The following TNIP1 variants were observed in gnomAD, a reference collection of about 807,000 sequenced individuals.
The protein encoded by TNIP1 is TNFAIP3 interacting protein 1.
Under a neutral mutation model 86.6 loss-of-function variants are expected in TNIP1, and 22 were observed. That is an observed-to-expected ratio of 0.25 (90% CI 0.18 to 0.36). TNIP1 has a LOEUF of 0.36. TNIP1 is among the 10% of genes least tolerant of loss of function. TNIP1 has a pLI of 1.00. For synonymous variants in TNIP1, 294 were observed against 313.0 expected (o/e 0.94, Z 0.64); for missense variants, 709 against 820.6 (o/e 0.86, Z 1.66).
At chr5:151,063,498 G>T in intron 3 of TNIP1, 115 bp downstream of exon 3, 1 of 1,452,918 alleles carries the variant, frequency 6.9e-7, no homozygotes, top group Non-Finnish European at 9.4e-7. Context: ...GGTAGCCTGT[G>T]ACCTAAGGAT....
intron 13 of TNIP1, among the ~76,000 whole-genome samples, chr5:151,036,127 G>C (rs1757674481): frequency 6.6e-6 from 1 of 152,154 alleles, no homozygotes; most frequent in Non-Finnish European, 1.5e-5. Context: ...AGGTGGGTTG[G>C]GTGGGGCCTG....
At chr5:151,059,820 AGAGAGAGAGTGTGTGT>A (rs1761215275) in intron 5 of TNIP1, among the ~76,000 whole-genome samples, 4 of 93,742 alleles carry the variant, frequency 4.3e-5, no homozygotes, top group Non-Finnish European at 7.9e-5. Context: ...AGAGAGAGAG[AGAGAGAGAGTGTGTGT>A]GTGTGTGTGT....
chr5:151,042,142 T>C (rs1015503218), intron 11 of TNIP1, among the ~76,000 whole-genome samples: 1 of 152,068 alleles, frequency 6.6e-6, no homozygotes, highest in African/African-American at 2.4e-5. Flanking sequence ...GATTTCATCA[T>C]GTTGGCCACG....
intron 1 of TNIP1, among the ~76,000 whole-genome samples, chr5:151,072,671 C>A (rs768014542): frequency 7.2e-5 from 11 of 152,204 alleles, no homozygotes; most frequent in Admixed American, 6.5e-5. Context: ...ACTGCCCCCC[C>A]TCCAGTCCCC....
chr5:151,053,859 T>C (rs952607786), intron 6 of TNIP1, among the ~76,000 whole-genome samples: 8 of 152,230 alleles, frequency 5.3e-5, no homozygotes, highest in Admixed American at 2.0e-4. Flanking sequence ...AAAACTCCAA[T>C]TGGCAGACCC....
chr5:151,063,230 T>A (rs968355624), intron 3 of TNIP1, among the ~76,000 whole-genome samples: 2 of 152,136 alleles, frequency 1.3e-5, no homozygotes, highest in Non-Finnish European at 2.9e-5. Flanking sequence ...TTCCAACTCA[T>A]ATGCCAGCTC....
rs559149957 is a variant in TNIP1 at position 151,035,159 on chromosome 5, C to T, written c.1522-92G>A. ...GGCCTAACCAGCCACGAGGACTGAC[C>T]GGCTGATGCTTCCCTCTGGGCCACC... On this transcript the variant is annotated intron_variant, in intron 14 of 17. Coordinates refer to ENST00000521591, the MANE Select transcript of TNIP1 (RefSeq NM_006058.5). 27 of 1,396,894 alleles carry T rather than the reference C, an allele frequency of 1.9e-5. 1 individual carries two copies. The highest frequency in any genetic ancestry group is 1.7e-4 in the East Asian group (7 of 42,212). The allele number at this position is 1,396,894 out of a possible 1,614,324, so 86.5% of individuals were successfully genotyped here. A position where few individuals can be genotyped will look rare whatever the true frequency, so the allele number is the denominator to read the frequency against.
chr5:151,030,803 A>G, intron 17 of TNIP1, 56 bp from the exon 18 acceptor site: 1 of 1,449,634 alleles, frequency 6.9e-7, no homozygotes, highest in South Asian at 1.2e-5. Flanking sequence ...CGAGTTTCAA[A>G]GTCTCTTATG....
At chr5:151,049,794 A>C (rs768848133) in intron 8 of TNIP1, 30 bp downstream of exon 8, 2 of 1,613,600 alleles carry the variant, frequency 1.2e-6, no homozygotes, top group Admixed American at 3.3e-5. Context: ...GCAACCAAGG[A>C]TGCTACAGAA....
Position 151,036,782 on chromosome 5 carries a change from A to C in TNIP1, c.1395+8T>G. 6.2e-7 allele frequency: 1 copy of C among 1,614,002 alleles called. No individual in the cohort carries two copies. The stretch of plus-strand genomic sequence containing the variant: ...ACCTCCCACCTGATTTCCTCCCGGA[A>C]GCCTCACCTGCTGTTTCAGCAACTC... On this transcript the variant is annotated splice_region_variant and intron_variant, in intron 13 of 17. Coordinates refer to ENST00000521591, the MANE Select transcript of TNIP1 (RefSeq NM_006058.5).
At chr5:151,059,828 A>AGAGAGAGAGTGTGTGTGT (rs1554076446) in intron 5 of TNIP1, among the ~76,000 whole-genome samples, 2 of 56,396 alleles carry the variant, frequency 3.5e-5, no homozygotes, top group African/African-American at 8.5e-5. Flanking sequence ...AGAGAGAGAG[A>AGAGAGAGAGTGTGTGTGT]GTGTGTGTGT....
intron 2 of TNIP1, 29 bp from the exon 3 acceptor site, chr5:151,063,776 A>T: frequency 1.2e-6 from 2 of 1,607,776 alleles, no homozygotes; most frequent in Non-Finnish European, 1.7e-6. Context: ...AGGAAGCAAA[A>T]GCATTTACTC....
chr5:151,069,742 C>A (rs1360878460), intron 1 of TNIP1, among the ~76,000 whole-genome samples: 1 of 152,164 alleles, frequency 6.6e-6, no homozygotes, highest in East Asian at 1.9e-4. Flanking sequence ...AAAGACGGCA[C>A]AGAACAGAAC....
At chr5:151,066,774 A>G (rs1426004429) in intron 1 of TNIP1, among the ~76,000 whole-genome samples, 1 of 152,190 alleles carries the variant, frequency 6.6e-6, no homozygotes, top group Non-Finnish European at 1.5e-5. Context: ...AATAAGAGCC[A>G]AGATGCAAAG....
chr5:151,050,148 T>C lies in TNIP1; in HGVS notation c.723-201A>G, dbSNP rs141939647. The stretch of plus-strand genomic sequence containing the variant: ...ATCTGTGGAGGTCTCTGATTGTCAA[T>C]GGCAGGGTTTCCCCAGCTGTGGAAT... On this transcript the variant is annotated intron_variant, in intron 7 of 17. Transcript: ENST00000521591. Among the ~76,000 whole-genome samples, 15 of 152,302 alleles carry C rather than the reference T, an allele frequency of 9.8e-5. No homozygotes were observed. The South Asian group carries it at 1.2e-3, about 13-fold the overall frequency.
intron 7 of TNIP1, 136 bp downstream of exon 7, chr5:151,052,029 A>G: frequency 1.5e-6 from 1 of 682,472 alleles, no homozygotes; most frequent in Non-Finnish European, 2.4e-6. Flanking sequence ...AAGGATCAAG[A>G]GACGTAACCT....
At chr5:151,029,944 G>T, downstream of TNIP1, 1 of 412,922 alleles carries the variant, frequency 2.4e-6, no homozygotes. Flanking sequence ...GAGTCAGAAT[G>T]TTGATCTTCT....
chr5:151,050,381 G>C (rs1759750621), intron 7 of TNIP1, among the ~76,000 whole-genome samples: 1 of 152,210 alleles, frequency 6.6e-6, no homozygotes, highest in Non-Finnish European at 1.5e-5. Context: ...GGTGCAGGCT[G>C]CAGGCCCAGA....
chr5:151,059,923 C>G (rs1389630789), intron 5 of TNIP1, among the ~76,000 whole-genome samples: 1 of 149,830 alleles, frequency 6.7e-6, no homozygotes, highest in Non-Finnish European at 1.5e-5. Context: ...CCTGTGTGCT[C>G]CAAGAGTCTG....
Sources: gnomAD v4.1 joint callset for allele counts (sites outside exome capture counted in the v4.1 genomes callset) on GRCh38, gnomAD v4.1.1 for gene constraint, MANE v1.5 for transcripts, NCBI Gene and HGNC (gene_info 2026-07-23, HGNC 2026-07-21) for gene names.